UHRF2: variants seen among roughly 807,000 people sequenced by gnomAD.
UHRF2 encodes the protein E3 ubiquitin-protein ligase UHRF2.
A neutral mutation model predicts 96.8 loss-of-function variants in UHRF2; 23 were observed. That is an observed-to-expected ratio of 0.24 (90% CI 0.17 to 0.34). The LOEUF (loss-of-function observed/expected upper bound fraction) is 0.34. Among genes scored for constraint, UHRF2 ranks in the 10% least tolerant of loss-of-function variants. UHRF2 has a pLI of 1.00. For synonymous variants in UHRF2, 385 were observed against 332.6 expected (o/e 1.16, Z -1.72); for missense variants, 685 against 981.5 (o/e 0.70, Z 4.04).
At position 6,501,646 on chromosome 9, in the gene UHRF2, C is replaced by G. The variant is rs139486821; in HGVS notation, c.2163+937C>G. ...CTATAAATGTGATACATTGAGTTAT[C>G]TTTGGCAAAATGAAGCTTACATGTT... On this transcript the variant is annotated intron_variant, in intron 14 of 15. Transcript: ENST00000276893. 4.7e-4 allele frequency among the ~76,000 whole-genome samples: 72 copies of G among 152,304 alleles called. 1 individual carries two copies. The South Asian group carries it at 8.1e-3, about 17-fold the overall frequency.
chr9:6,489,254 T>G (rs1320720278), intron 9 of UHRF2, among the ~76,000 whole-genome samples: 1 of 152,254 alleles, frequency 6.6e-6, no homozygotes, highest in Non-Finnish European at 1.5e-5. Context: ...TCATTTCTTT[T>G]TATTGATGAG....
chr9:6,482,112 T>C lies in UHRF2; in HGVS notation c.1392+13T>C. 6.2e-7 allele frequency: 1 copy of C among 1,605,926 alleles called. No homozygotes were observed. The highest frequency in any genetic ancestry group is 8.5e-7 in the Non-Finnish European group (1 of 1,173,060). On this transcript the variant is annotated intron_variant, in intron 8 of 15. Coordinates refer to ENST00000276893, the MANE Select transcript of UHRF2 (RefSeq NM_152896.3). Reference sequence around the variant, plus strand: ...ATTTAGAGTTCAGGTATGTTTTAACTTGGGCTTAGTTGAAAGGGGAGAATT... The same window carrying C: ...ATTTAGAGTTCAGGTATGTTTTAACCTGGGCTTAGTTGAAAGGGGAGAATT...
intron 1 of UHRF2, among the ~76,000 whole-genome samples, chr9:6,419,070 C>T (rs529775072): frequency 3.3e-5 from 5 of 152,218 alleles, no homozygotes; most frequent in Admixed American, 6.6e-5. Flanking sequence ...GATTAGGGCC[C>T]TAATGACTTT....
At chr9:6,423,733 C>T (rs1183888421) in intron 2 of UHRF2, among the ~76,000 whole-genome samples, 1 of 150,798 alleles carries the variant, frequency 6.6e-6, no homozygotes, top group South Asian at 2.1e-4. Flanking sequence ...ATCATGAGGT[C>T]AGGAGTTCAA....
At chr9:6,451,972 GTGTATATATGCATT>G (rs1821898936) in intron 3 of UHRF2, among the ~76,000 whole-genome samples, 1 of 151,802 alleles carries the variant, frequency 6.6e-6, no homozygotes, top group South Asian at 2.1e-4. Flanking sequence ...AAAGTGTATT[GTGTATATATGCATT>G]TGTATATATG....
At chr9:6,479,496 CTTCTT>C (rs1002766453) in intron 6 of UHRF2, among the ~76,000 whole-genome samples, 16 of 152,286 alleles carry the variant, frequency 1.1e-4, no homozygotes, top group Middle Eastern at 3.4e-3. Context: ...GCACCATCCA[CTTCTT>C]TTCTATGCTA....
chr9:6,422,615 C>A, intron 2 of UHRF2: 1 of 629,210 alleles, frequency 1.6e-6, no homozygotes, highest in Non-Finnish European at 2.9e-6. Context: ...TAACTTAGAT[C>A]TTTTCTTTTT....
intron 3 of UHRF2, among the ~76,000 whole-genome samples, chr9:6,436,358 A>C (rs1238706402): frequency 6.6e-6 from 1 of 152,168 alleles, no homozygotes; most frequent in African/African-American, 2.4e-5. Context: ...TTTAGATCTG[A>C]GATTGGCCAG....
At position 6,504,689 on chromosome 9, in the gene UHRF2, A is replaced by G; in HGVS notation, c.2260A>G (p.Lys754Glu). 2 of 1,611,926 alleles carry G rather than the reference A, an allele frequency of 1.2e-6. No homozygotes were observed. Among genetic ancestry groups the G allele is most frequent in the Non-Finnish European group, 1.7e-6 (2 of 1,178,418 alleles). Residue 754 changes from lysine (K) to glutamate (E), a missense_variant and splice_region_variant, in exon 15 of 16, where the codon AAA becomes GAA. Around this residue, in one of 6 missense-constraint regions of UHRF2, gnomAD observed 71 missense variants for 114.1 expected, o/e 0.62. Coordinates refer to ENST00000276893, the MANE Select transcript of UHRF2 (RefSeq NM_152896.3). ...AACTGAGTGCTTCCACAATGTCTGT[A>G]AAGTAAGTAGAATTCCTTCCTCACT... ...VTTECFHNVC[K>E]DCLQRSFKAQ...
At chr9:6,454,964 A>G (rs1374663987) in intron 3 of UHRF2, among the ~76,000 whole-genome samples, 1 of 152,116 alleles carries the variant, frequency 6.6e-6, no homozygotes, top group Non-Finnish European at 1.5e-5. Flanking sequence ...AAGAATTTGG[A>G]TTTCCAGATG....
At chr9:6,476,304 T>G (rs1823569154) in intron 5 of UHRF2, among the ~76,000 whole-genome samples, 1 of 152,218 alleles carries the variant, frequency 6.6e-6, no homozygotes, top group South Asian at 2.1e-4. Flanking sequence ...GTTTCTTCTG[T>G]TATAGATTCT....
intron 3 of UHRF2, among the ~76,000 whole-genome samples, chr9:6,444,297 C>G (rs10975592): frequency 0.018 from 2,732 of 152,246 alleles, 80 homozygotes; most frequent in African/African-American, 0.061. Flanking sequence ...CTCTAACTGT[C>G]TATGACTTGT....
At chr9:6,438,720 G>A (rs1820993339) in intron 3 of UHRF2, among the ~76,000 whole-genome samples, 1 of 152,146 alleles carries the variant, frequency 6.6e-6, no homozygotes, top group African/African-American at 2.4e-5. Context: ...TTTAAAAGCT[G>A]TTTTTTATAG....
chr9:6,417,948 C>A (rs955329493), intron 1 of UHRF2, among the ~76,000 whole-genome samples: 16 of 152,202 alleles, frequency 1.1e-4, no homozygotes, highest in African/African-American at 3.9e-4. Flanking sequence ...AATGTTCTTT[C>A]AATTTCCAGC....
At chr9:6,494,234 G>C (rs1824837647) in intron 10 of UHRF2, 2 of 280,076 alleles carry the variant, frequency 7.1e-6, no homozygotes, top group East Asian at 1.4e-4. Context: ...AAGGTGGCTT[G>C]TCTACTACTC....
At chr9:6,456,424 G>T (rs1822178489) in intron 3 of UHRF2, among the ~76,000 whole-genome samples, 1 of 152,098 alleles carries the variant, frequency 6.6e-6, no homozygotes, top group Non-Finnish European at 1.5e-5. Flanking sequence ...TGTAGATTCT[G>T]GATATTAGCC....
Position 6,477,710 on chromosome 9 carries a change from T to C in UHRF2, c.1062T>C (p.His354=), listed in dbSNP as rs779714101. The change falls in exon 6 of 16, where the codon CAT becomes CAC. Residue 354 remains histidine (H), a synonymous_variant. Coordinates refer to ENST00000276893, the MANE Select transcript of UHRF2 (RefSeq NM_152896.3). ...SCSCRVCGGK[H]EPNMQLLCDE... is the part of the protein sequence containing the mutation. The stretch of plus-strand genomic sequence containing the variant: ...CCTGTCGTGTATGTGGTGGGAAACA[T>C]GAACCCAACATGCAGCTTCTGTGTG... The C allele has an allele frequency of 1.2e-6, 2 of 1,614,016 alleles. No individual in the cohort carries two copies. Among genetic ancestry groups the C allele is most frequent in the South Asian group, 2.2e-5 (2 of 91,082 alleles).
intron 1 of UHRF2, chr9:6,415,025 G>A (rs10758784): frequency 1.3e-5 from 2 of 151,996 alleles, no homozygotes; most frequent in Non-Finnish European, 2.9e-5. Context: ...TTGATCACAA[G>A]TGAAAAAGCA....
intron 9 of UHRF2, among the ~76,000 whole-genome samples, chr9:6,488,725 C>G (rs866544023): frequency 6.6e-6 from 1 of 151,630 alleles, no homozygotes; most frequent in Admixed American, 6.6e-5. Flanking sequence ...TAGTCTGGAA[C>G]TCCTGGCCTC....
Sources: allele counts gnomAD v4.1 joint callset (sites outside exome capture counted in the v4.1 genomes callset), GRCh38; gene constraint gnomAD v4.1.1; regional missense constraint gnomAD v4.1.1; transcripts MANE v1.5; gene names NCBI Gene and HGNC (gene_info 2026-07-23, HGNC 2026-07-21).